TRAPPC9: variants seen among roughly 807,000 people sequenced by gnomAD.
TRAPPC9 encodes IKK2 binding protein.
Under a neutral mutation model 124.0 loss-of-function variants are expected in TRAPPC9, and 83 were observed. The ratio of observed to expected loss-of-function variants is 0.67; its 90% CI spans 0.56 to 0.80. The LOEUF (loss-of-function observed/expected upper bound fraction) is 0.80. Ranked by LOEUF, TRAPPC9 falls within the 30% of genes least tolerant of loss-of-function variation. TRAPPC9 has a pLI of 0.00. For missense variants in TRAPPC9, 1,302 were observed against 1,508.3 expected, an observed-to-expected ratio of 0.86 and a Z score of 2.27; for synonymous variants, 638 against 617.5, an observed-to-expected ratio of 1.03 and a Z score of -0.49.
intron 17 of TRAPPC9, among the ~76,000 whole-genome samples, chr8:140,086,346 G>A (rs1844183778): frequency 6.6e-6 from 1 of 152,200 alleles, no homozygotes; most frequent in Non-Finnish European, 1.5e-5. Context: ...AAGCGGGGTA[G>A]AAATGGAAGG....
intron 15 of TRAPPC9, among the ~76,000 whole-genome samples, chr8:140,264,074 G>A (rs2064528929): frequency 6.6e-6 from 1 of 152,134 alleles, no homozygotes; most frequent in Non-Finnish European, 1.5e-5. Context: ...GCCTTGCCGT[G>A]ATTATTTTTA....
At chr8:139,789,008 C>T (rs1822470021) in intron 21 of TRAPPC9, among the ~76,000 whole-genome samples, 1 of 152,176 alleles carries the variant, frequency 6.6e-6, no homozygotes, top group Non-Finnish European at 1.5e-5. Context: ...CATGAAGATG[C>T]AAACAAATTA....
chr8:140,205,588 A>C (rs2062899239), intron 17 of TRAPPC9, among the ~76,000 whole-genome samples: 1 of 152,248 alleles, frequency 6.6e-6, no homozygotes, highest in Non-Finnish European at 1.5e-5. Context: ...TCATGAATGC[A>C]CTACATGAAC....
At chr8:140,170,232 G>C (rs1170617743) in intron 17 of TRAPPC9, among the ~76,000 whole-genome samples, 1 of 152,202 alleles carries the variant, frequency 6.6e-6, no homozygotes, top group African/African-American at 2.4e-5. Context: ...TGTCACACAT[G>C]TGAGAGCCAT....
chr8:140,405,460 A>G, intron 6 of TRAPPC9, 117 bp downstream of exon 6: 1 of 1,158,762 alleles, frequency 8.6e-7, no homozygotes, highest in East Asian at 2.5e-5. Flanking sequence ...AGAGCAAGAC[A>G]TGAATACTTA....
intron 17 of TRAPPC9, among the ~76,000 whole-genome samples, chr8:140,042,424 T>C (rs910220606): frequency 2.0e-5 from 3 of 152,246 alleles, no homozygotes; most frequent in African/African-American, 7.2e-5. Flanking sequence ...GCAGCCACCT[T>C]GCGGAACACA....
At chr8:139,773,989 C>T (rs886562343) in intron 21 of TRAPPC9, among the ~76,000 whole-genome samples, 8 of 152,218 alleles carry the variant, frequency 5.3e-5, no homozygotes, top group Admixed American at 2.6e-4. Flanking sequence ...AAAGCCAGGC[C>T]GGCTGCGAGG....
chr8:139,836,701 C>T (rs533001528), intron 21 of TRAPPC9, among the ~76,000 whole-genome samples: 2 of 152,190 alleles, frequency 1.3e-5, no homozygotes, highest in South Asian at 2.1e-4. Flanking sequence ...GGAGCAGACA[C>T]CAAGGCTCCA....
At chr8:140,413,103 C>G (rs946022158) in intron 5 of TRAPPC9, among the ~76,000 whole-genome samples, 20 of 152,076 alleles carry the variant, frequency 1.3e-4, no homozygotes, top group Admixed American at 1.3e-4. Flanking sequence ...AAAGTCACCA[C>G]CCGGGTCGGG....
intron 17 of TRAPPC9, among the ~76,000 whole-genome samples, chr8:140,101,128 C>T (rs1407657851): frequency 6.6e-6 from 1 of 152,214 alleles, no homozygotes; most frequent in Non-Finnish European, 1.5e-5. Flanking sequence ...CAGCTTTATT[C>T]CAAATCAAAA....
In TRAPPC9 at chr8:140,257,905, G is replaced by A. The variant is rs1322792657; in HGVS notation, c.2279-4976C>T. Among the ~76,000 whole-genome samples, 2 of 152,198 alleles carry A rather than the reference G, an allele frequency of 1.3e-5. No homozygotes were observed. Among genetic ancestry groups the A allele is most frequent in the African/African-American group, 4.8e-5 (2 of 41,448 alleles). ...GTAGCTCTCACTGGGATGTGCATGT[G>A]AGGAGAACTGCATCACTGTCCTTTG... On this transcript the variant is annotated intron_variant, in intron 15 of 22. Coordinates refer to ENST00000438773, the MANE Select transcript of TRAPPC9 (RefSeq NM_001160372.4). This position sits in a 1 kb window ranked among gnomAD's most constrained non-coding sequence, Gnocchi z 4.6.
chr8:140,430,007 C>T (rs1015940602), intron 4 of TRAPPC9, among the ~76,000 whole-genome samples: 3 of 151,206 alleles, frequency 2.0e-5, no homozygotes, highest in South Asian at 2.1e-4. Flanking sequence ...ATTAGCTGGG[C>T]GAGGTGGCAG....
At chr8:139,811,377 C>T (rs1009549090) in intron 21 of TRAPPC9, among the ~76,000 whole-genome samples, 1 of 152,162 alleles carries the variant, frequency 6.6e-6, no homozygotes, top group African/African-American at 2.4e-5. Flanking sequence ...AACCCAGGAA[C>T]AGGGAGGTAG....
intron 15 of TRAPPC9, among the ~76,000 whole-genome samples, chr8:140,256,890 T>A (rs759187153): frequency 1.3e-5 from 2 of 151,844 alleles, no homozygotes; most frequent in Non-Finnish European, 2.9e-5. Context: ...GCCCAGTGAG[T>A]CTCAGTTAAG....
intron 17 of TRAPPC9, among the ~76,000 whole-genome samples, chr8:140,067,533 T>C (rs970655886): frequency 4.6e-5 from 7 of 152,200 alleles, no homozygotes; most frequent in Non-Finnish European, 7.3e-5. Context: ...CTACTGTCCA[T>C]GTCCACTTAC....
intron 21 of TRAPPC9, among the ~76,000 whole-genome samples, chr8:139,748,827 C>T (rs1819129063): frequency 1.3e-5 from 2 of 152,076 alleles, no homozygotes; most frequent in African/African-American, 2.4e-5. Context: ...AACAGGCTGG[C>T]ACTTCCTCCC....
At position 140,371,008 on chromosome 8, in the gene TRAPPC9, A is replaced by G; in HGVS notation, c.1307T>C (p.Leu436Pro). The G allele has an allele frequency of 6.2e-7, 1 of 1,614,268 alleles. No individual in the cohort carries two copies. The highest frequency in any genetic ancestry group is 8.5e-7 in the Non-Finnish European group (1 of 1,180,054). Residue 436 changes from leucine (L) to proline (P), a missense_variant, in exon 8 of 23, where the codon CTG becomes CCG. Around this residue, in one of 3 missense-constraint regions of TRAPPC9, gnomAD observed 657 missense variants for 811.2 expected, o/e 0.81. Transcript: ENST00000438773. Reference sequence around the variant, plus strand: ...ATCCAGCGACAGACTGTAGCCGGGCAGCGTTTCCAGGAGGAGTTTGTAGCA... The same window carrying G: ...ATCCAGCGACAGACTGTAGCCGGGCGGCGTTTCCAGGAGGAGTTTGTAGCA... ...RACYKLLLET[L>P]PGYSLSLDPK...
chr8:140,139,048 T>C, intron 17 of TRAPPC9, among the ~76,000 whole-genome samples: 1 of 152,156 alleles, frequency 6.6e-6, no homozygotes, highest in East Asian at 1.9e-4. Context: ...CTCTGAGGTT[T>C]AGGCACAGAA....
At chr8:139,763,688 G>T (rs1820391551) in intron 21 of TRAPPC9, among the ~76,000 whole-genome samples, 1 of 152,200 alleles carries the variant, frequency 6.6e-6, no homozygotes. Flanking sequence ...GCACACACAC[G>T]TCGATCATTC....
Sources: allele counts gnomAD v4.1 joint callset (sites outside exome capture counted in the v4.1 genomes callset), GRCh38; gene constraint gnomAD v4.1.1; regional missense constraint gnomAD v4.1.1; non-coding constraint Gnocchi (gnomAD v3.1); transcripts MANE v1.5; gene names NCBI Gene and HGNC (gene_info 2026-07-23, HGNC 2026-07-21).